UBE3D: variants seen among roughly 807,000 people sequenced by gnomAD.
UBE3D encodes the protein E3 ubiquitin-protein ligase E3D.
UBE3D carries 48 observed loss-of-function variants against 49.6 expected under a neutral mutation model. The observed-to-expected ratio is 0.97, with a 90% CI of 0.77 to 1.23. UBE3D has a LOEUF of 1.23. Among genes scored for constraint, UBE3D ranks in the 50% most tolerant of loss-of-function variants. The pLI is 0.00. For missense variants in UBE3D, 452 were observed against 468.4 expected (o/e 0.96, Z 0.32); for synonymous variants, 189 against 174.2 (o/e 1.08, Z -0.67).
intron 8 of UBE3D, among the ~76,000 whole-genome samples, chr6:82,979,832 A>C (rs181681922): frequency 1.1e-3 from 167 of 152,250 alleles, no homozygotes; most frequent in African/African-American, 3.8e-3. Context: ...CTTGTAAGTA[A>C]GAACATGCAG....
At chr6:82,894,232 G>A (rs1027699123) in intron 9 of UBE3D, among the ~76,000 whole-genome samples, 8 of 151,912 alleles carry the variant, frequency 5.3e-5, no homozygotes, top group Non-Finnish European at 8.8e-5. Context: ...AAAGTGAAAC[G>A]TTCCATGGGG....
intron 6 of UBE3D, among the ~76,000 whole-genome samples, chr6:83,023,553 A>T (rs1479425606): frequency 6.6e-6 from 1 of 152,230 alleles, no homozygotes; most frequent in Non-Finnish European, 1.5e-5. Context: ...CTACTTAGCC[A>T]CAAAAAGGAA....
Position 83,022,522 on chromosome 6 carries a change from C to T in UBE3D, c.777G>A (p.Val259=). 1 of 1,605,598 alleles carries T rather than the reference C, an allele frequency of 6.2e-7. No homozygotes were observed. Among genetic ancestry groups the T allele is most frequent in the Non-Finnish European group, 8.5e-7 (1 of 1,176,784 alleles). Residue 259 remains valine (V), a synonymous_variant, in exon 7 of 10, where the codon GTG becomes GTA. Transcript: ENST00000369747. The stretch of plus-strand genomic sequence containing the variant: ...AAGTGCTTCTAGCAGAGGAGAGCTG[C>T]ACCAGACACTGGGCGATCACGCTCT... ...FVQSVIAQCL[V]QLSSARSTFR...
chr6:82,916,066 T>C (rs1772893853), intron 9 of UBE3D, among the ~76,000 whole-genome samples: 1 of 152,246 alleles, frequency 6.6e-6, no homozygotes, highest in Non-Finnish European at 1.5e-5. Context: ...TTAGTATTTA[T>C]TATATTCCAA....
intron 1 of UBE3D, among the ~76,000 whole-genome samples, chr6:83,060,088 T>C (rs1538357): frequency 0.042 from 6,410 of 152,286 alleles, 225 homozygotes; most frequent in Admixed American, 0.11. Flanking sequence ...AGAACTCATC[T>C]AAATCTAACT....
intron 9 of UBE3D, among the ~76,000 whole-genome samples, chr6:82,897,923 A>G (rs559504218): frequency 7.9e-5 from 12 of 152,314 alleles, no homozygotes; most frequent in African/African-American, 2.6e-4. Flanking sequence ...AATTTTTGCA[A>G]TCTATCCATC....
intron 3 of UBE3D, among the ~76,000 whole-genome samples, chr6:83,045,432 T>G (rs1387849663): frequency 6.6e-6 from 1 of 152,204 alleles, no homozygotes; most frequent in Non-Finnish European, 1.5e-5. Flanking sequence ...GTGTTTCTTC[T>G]GTGAATTGTG....
At chr6:82,895,095 T>C (rs1252475408) in intron 9 of UBE3D, among the ~76,000 whole-genome samples, 1 of 151,998 alleles carries the variant, frequency 6.6e-6, no homozygotes, top group Non-Finnish European at 1.5e-5. Flanking sequence ...GCAGATGGCT[T>C]GAGGTTAGGA....
intron 9 of UBE3D, among the ~76,000 whole-genome samples, chr6:82,928,764 A>G (rs1773931500): frequency 6.6e-6 from 1 of 152,172 alleles, no homozygotes; most frequent in African/African-American, 2.4e-5. Flanking sequence ...GGATAAAGAT[A>G]TCCATGGGAA....
chr6:82,906,198 AATT>A (rs1417834426), intron 9 of UBE3D, among the ~76,000 whole-genome samples: 2 of 152,106 alleles, frequency 1.3e-5, no homozygotes, highest in African/African-American at 4.8e-5. Flanking sequence ...CACATATTAC[AATT>A]AATAAGTCTT....
At chr6:82,939,488 G>C (rs1774846077) in intron 9 of UBE3D, among the ~76,000 whole-genome samples, 2 of 152,240 alleles carry the variant, frequency 1.3e-5, no homozygotes, top group South Asian at 4.2e-4. Context: ...CCCTATATGA[G>C]TACACCACTT....
chr6:83,029,979 T>C (rs542111930), intron 5 of UBE3D, among the ~76,000 whole-genome samples: 6 of 152,152 alleles, frequency 3.9e-5, no homozygotes, highest in Non-Finnish European at 8.8e-5. Context: ...TGTATGTGGA[T>C]TGAGGAATGC....
intron 5 of UBE3D, among the ~76,000 whole-genome samples, chr6:83,030,699 G>T (rs1438083177): frequency 6.6e-6 from 1 of 152,136 alleles, no homozygotes; most frequent in Non-Finnish European, 1.5e-5. Flanking sequence ...AGTTTGGAGG[G>T]CTCAGGAAAA....
At chr6:83,060,361 C>T (rs1281046541) in intron 1 of UBE3D, among the ~76,000 whole-genome samples, 2 of 152,088 alleles carry the variant, frequency 1.3e-5, no homozygotes, top group Non-Finnish European at 2.9e-5. Flanking sequence ...AAAGAGAAAG[C>T]GAGGAAACTA....
Position 82,989,259 on chromosome 6 carries a change from A to G in UBE3D, c.1010+29714T>C, listed in dbSNP as rs921164767. 1.1e-4 allele frequency among the ~76,000 whole-genome samples: 17 copies of G among 151,946 alleles called. No homozygotes were observed. In the South Asian group the frequency reaches 2.1e-3, roughly 19 times the overall value. The stretch of plus-strand genomic sequence containing the variant: ...CCCTGCCTTCTGCTCTACAAATCTA[A>G]TTTCTCCAGGAGGCTGTCCAGATAG... On this transcript the variant is annotated intron_variant, in intron 8 of 9. Transcript: ENST00000369747.
chr6:82,935,876 C>A (rs1171647361), intron 9 of UBE3D, among the ~76,000 whole-genome samples: 3 of 151,622 alleles, frequency 2.0e-5, no homozygotes, highest in South Asian at 2.1e-4. Flanking sequence ...AGAGAGTTTC[C>A]CATTCACAAA....
chr6:82,981,015 C>T (rs1778082891), intron 8 of UBE3D, among the ~76,000 whole-genome samples: 1 of 152,008 alleles, frequency 6.6e-6, no homozygotes, highest in Non-Finnish European at 1.5e-5. Flanking sequence ...ACGTAGTGAT[C>T]ATTTATTAAA....
At position 82,912,125 on chromosome 6, in the gene UBE3D, G is replaced by A. The variant is rs550118757; in HGVS notation, c.1150-19083C>T. On this transcript the variant is annotated intron_variant, in intron 9 of 9. Transcript: ENST00000369747. ...GGCTCCAACAGAGCTACTCATTTGG[G>A]CACACAGTCCTTCCTCCCTTCCCTC... is the stretch of plus-strand genomic sequence containing the variant. Among the ~76,000 whole-genome samples, 5 of 152,012 alleles carry A rather than the reference G, an allele frequency of 3.3e-5. No individual in the cohort carries two copies. In the South Asian group the frequency reaches 1.0e-3, roughly 32 times the overall value.
At chr6:82,921,109 C>T (rs1024190454) in intron 9 of UBE3D, among the ~76,000 whole-genome samples, 1 of 152,044 alleles carries the variant, frequency 6.6e-6, no homozygotes, top group Non-Finnish European at 1.5e-5. Context: ...GTGCCCACCA[C>T]CATGCCCAAC....
Sources: gnomAD v4.1 joint callset for allele counts (sites outside exome capture counted in the v4.1 genomes callset) on GRCh38, gnomAD v4.1.1 for gene constraint, MANE v1.5 for transcripts, NCBI Gene and HGNC (gene_info 2026-07-23, HGNC 2026-07-21) for gene names.